RAD51B: variants seen among roughly 807,000 people sequenced by gnomAD.
RAD51B encodes the protein DNA repair protein RAD51 homolog 2.
RAD51B carries 38 observed loss-of-function variants against 42.2 expected under a neutral mutation model. The observed-to-expected ratio is 0.90, with a 90% CI of 0.70 to 1.18. The LOEUF (loss-of-function observed/expected upper bound fraction) is 1.18, where lower values mean the gene tolerates loss of function less well. Among genes scored for constraint, RAD51B ranks in the 50% most tolerant of loss-of-function variants. RAD51B has a pLI of 0.00. For missense variants in RAD51B, 373 were observed against 400.7 expected (o/e 0.93, Z 0.59); for synonymous variants, 154 against 145.2 (o/e 1.06, Z -0.43).
At chr14:67,849,723 G>T (rs2041740738) in intron 4 of RAD51B, among the ~76,000 whole-genome samples, 1 of 152,150 alleles carries the variant, frequency 6.6e-6, no homozygotes, top group South Asian at 2.1e-4. Flanking sequence ...AGTTCCAGAA[G>T]CTCTAATTGA....
intron 5 of RAD51B, among the ~76,000 whole-genome samples, chr14:67,866,336 AG>A (rs1256083980): frequency 6.6e-6 from 1 of 152,222 alleles, no homozygotes; most frequent in African/African-American, 2.4e-5. Context: ...TTGAGATTAA[AG>A]CTGGTAAAGA....
At chr14:68,504,662 C>CTTTTTTTTTCTTTTT (rs1885163773) in intron 10 of RAD51B, among the ~76,000 whole-genome samples, 1 of 90,436 alleles carries the variant, frequency 1.1e-5, no homozygotes, top group African/African-American at 4.1e-5. Context: ...TTTTTTCTTT[C>CTTTTTTTTTCTTTTT]TTTTTTTTTT....
At chr14:68,417,835 A>G (rs746663) in intron 9 of RAD51B, among the ~76,000 whole-genome samples, 63,077 of 152,104 alleles carry the variant, frequency 0.41, 13,295 homozygotes, top group East Asian at 0.5. Context: ...AGAAATCACT[A>G]TTTCTGAATG....
intron 10 of RAD51B, among the ~76,000 whole-genome samples, chr14:68,560,946 T>C (rs754609520): frequency 1.2e-4 from 18 of 152,312 alleles, no homozygotes; most frequent in Non-Finnish European, 2.4e-4. Flanking sequence ...GGGATACTGC[T>C]TCCGGGCAGA....
intron 7 of RAD51B, among the ~76,000 whole-genome samples, chr14:68,019,409 T>C (rs1240237923): frequency 1.3e-5 from 2 of 152,214 alleles, no homozygotes; most frequent in African/African-American, 4.8e-5. Context: ...ATGATCATGG[T>C]TGACAAAAGT....
Position 67,937,700 on chromosome 14 carries a change from T to C in RAD51B, c.756+50496T>C, listed in dbSNP as rs145457429. Reference sequence around the variant, plus strand: ...AACATAGAGTAACACGCTGGGATGGTTGTGGCCACTTGTCTGTCTCATTGG... The same window carrying C: ...AACATAGAGTAACACGCTGGGATGGCTGTGGCCACTTGTCTGTCTCATTGG... On this transcript the variant is annotated intron_variant, in intron 7 of 10. Transcript: ENST00000471583. 2.3e-3 allele frequency among the ~76,000 whole-genome samples: 353 copies of C among 152,300 alleles called. 1 individual carries two copies. Among genetic ancestry groups the C allele is most frequent in the African/African-American group, 8.2e-3 (342 of 41,586 alleles).
At chr14:68,408,028 T>C (rs2084323666) in intron 8 of RAD51B, among the ~76,000 whole-genome samples, 1 of 152,050 alleles carries the variant, frequency 6.6e-6, no homozygotes, top group African/African-American at 2.4e-5. Flanking sequence ...GTTAATCAGG[T>C]AGTAAAACAG....
intron 7 of RAD51B, 151 bp from the exon 8 acceptor site, chr14:68,291,732 TG>T: frequency 1.7e-6 from 1 of 579,548 alleles, no homozygotes. Flanking sequence ...AAGATAAAGC[TG>T]GTGAAAGTCA....
At chr14:68,127,603 TAACACACACACA>T (rs2077790546) in intron 7 of RAD51B, among the ~76,000 whole-genome samples, 1 of 102,068 alleles carries the variant, frequency 9.8e-6, no homozygotes, top group Non-Finnish European at 2.1e-5. Context: ...TTGTACATTG[TAACACACACACA>T]CACACACACA....
chr14:68,677,554 G>A (rs1184467716), intron 11 of RAD51B, among the ~76,000 whole-genome samples: 1 of 152,114 alleles, frequency 6.6e-6, no homozygotes, highest in East Asian at 1.9e-4. Context: ...GCTCCTCCTT[G>A]GTTCTAAACC....
At chr14:67,924,212 T>C (rs559633657) in intron 7 of RAD51B, among the ~76,000 whole-genome samples, 79 of 152,376 alleles carry the variant, frequency 5.2e-4, no homozygotes, top group Non-Finnish European at 8.1e-4. Flanking sequence ...TCTTTTGCTG[T>C]GCAGAGGCTT....
chr14:68,553,416 G>A (rs950919525), intron 10 of RAD51B, among the ~76,000 whole-genome samples: 1 of 152,168 alleles, frequency 6.6e-6, no homozygotes, highest in Non-Finnish European at 1.5e-5. Context: ...ACTGAGTTCT[G>A]GTTAAGGAAT....
intron 7 of RAD51B, among the ~76,000 whole-genome samples, chr14:67,953,822 G>A (rs911992401): frequency 6.6e-6 from 1 of 152,050 alleles, no homozygotes; most frequent in Non-Finnish European, 1.5e-5. Context: ...ATTAGGAAGA[G>A]GAGCTGATTT....
chr14:67,893,505 C>CA lies in RAD51B; in HGVS notation c.756+6302dup, dbSNP rs766502467. Among the ~76,000 whole-genome samples, 384 of 100,126 alleles carry CA rather than the reference C, an allele frequency of 3.8e-3. 6 individuals are homozygous for CA. The highest frequency in any genetic ancestry group is 0.017 in the African/African-American group (347 of 20,128). 65.7% of individuals were successfully genotyped at this position (100,126 alleles called of 152,430 possible). On this transcript the variant is annotated intron_variant, in intron 7 of 10. Transcript: ENST00000471583. ...ACACACACACACACACACACACACA[C>CA]ACACAAAAAAAAACAATTAGCTGGG...
chr14:68,597,808 A>AT (rs1288904001), downstream of RAD51B, among the ~76,000 whole-genome samples: 1 of 151,734 alleles, frequency 6.6e-6, no homozygotes. Context: ...CAAGTTAAAA[A>AT]AAAAAAAAAG....
chr14:67,993,437 A>G (rs2075329975), intron 7 of RAD51B, among the ~76,000 whole-genome samples: 1 of 152,190 alleles, frequency 6.6e-6, no homozygotes, highest in Non-Finnish European at 1.5e-5. Context: ...AACTGATAAC[A>G]TGCGAAGTTT....
intron 7 of RAD51B, among the ~76,000 whole-genome samples, chr14:68,105,885 C>G (rs1226290655): frequency 1.3e-5 from 2 of 151,934 alleles, no homozygotes; most frequent in South Asian, 2.1e-4. Flanking sequence ...TCTAAAAGAT[C>G]ATCTTCCTTT....
chr14:68,172,873 A>G (rs2078899090), intron 7 of RAD51B, among the ~76,000 whole-genome samples: 1 of 152,112 alleles, frequency 6.6e-6, no homozygotes, highest in East Asian at 1.9e-4. Flanking sequence ...CCCTTCCTGT[A>G]TTGTAGTCTG....
chr14:68,089,592 G>A (rs1433193959), intron 7 of RAD51B, among the ~76,000 whole-genome samples: 1 of 152,084 alleles, frequency 6.6e-6, no homozygotes, highest in Admixed American at 6.5e-5. Flanking sequence ...ATGGAACAAA[G>A]CCATACATCC....
Sources: allele counts gnomAD v4.1 joint callset (sites outside exome capture counted in the v4.1 genomes callset), GRCh38; gene constraint gnomAD v4.1.1; transcripts MANE v1.5; gene names NCBI Gene and HGNC (gene_info 2026-07-23, HGNC 2026-07-21).